CADM2: variants seen among roughly 807,000 people sequenced by gnomAD.
The protein encoded by CADM2 is cell adhesion molecule 2.
Under a neutral mutation model 49.8 loss-of-function variants are expected in CADM2, and 12 were observed. The ratio of observed to expected loss-of-function variants is 0.24; its 90% CI spans 0.15 to 0.39. The LOEUF is 0.39. Ranked by LOEUF, CADM2 falls within the 10% of genes least tolerant of loss-of-function variation. The pLI is 1.00. For missense variants in CADM2, 378 were observed against 492.3 expected, an observed-to-expected ratio of 0.77 and a Z score of 2.20; for synonymous variants, 214 against 175.4, an observed-to-expected ratio of 1.22 and a Z score of -1.74.
chr3:85,895,853 G>A lies in CADM2; in HGVS notation c.529+9526G>A, dbSNP rs1334520499. Among the ~76,000 whole-genome samples the A allele has an allele frequency of 3.9e-5, 6 of 152,186 alleles. No individual in the cohort carries two copies. The East Asian group carries it at 1.2e-3, about 29-fold the overall frequency. ...CTGCCATGAGGCCTCCCCAGCCTTTGCTCCTCTTTTGCTTTCTGTGAGGCC... is the reference window on the plus strand; with the variant it reads ...CTGCCATGAGGCCTCCCCAGCCTTTACTCCTCTTTTGCTTTCTGTGAGGCC... On this transcript the variant is annotated intron_variant, in intron 5 of 9. Coordinates refer to ENST00000383699, the MANE Select transcript of CADM2 (RefSeq NM_001167675.2).
chr3:85,504,666 C>G (rs1355352667), intron 1 of CADM2, among the ~76,000 whole-genome samples: 2 of 152,176 alleles, frequency 1.3e-5, no homozygotes, highest in African/African-American at 4.8e-5. Context: ...AGTCCCGCGC[C>G]GTGCGCCCGC....
chr3:85,920,868 G>A (rs1176364548), intron 6 of CADM2, among the ~76,000 whole-genome samples: 2 of 151,256 alleles, frequency 1.3e-5, no homozygotes, highest in Middle Eastern at 3.5e-3. Context: ...GATAATAAAT[G>A]TATATATAAA....
At chr3:85,257,259 C>T (rs1369375546) in intron 1 of CADM2, among the ~76,000 whole-genome samples, 1 of 152,026 alleles carries the variant, frequency 6.6e-6, no homozygotes, top group Non-Finnish European at 1.5e-5. Flanking sequence ...GAGCAGAATG[C>T]CTTTTCTGAT....
chr3:85,257,541 A>G (rs1422437542), intron 1 of CADM2, among the ~76,000 whole-genome samples: 1 of 152,072 alleles, frequency 6.6e-6, no homozygotes, highest in Non-Finnish European at 1.5e-5. Context: ...CTATTCTTCA[A>G]ATTTTGAAGG....
chr3:85,922,048 A>T (rs1719186060), intron 6 of CADM2, among the ~76,000 whole-genome samples: 1 of 151,996 alleles, frequency 6.6e-6, no homozygotes, highest in African/African-American at 2.4e-5. Context: ...GGGTAGTGTC[A>T]GTCCTCAGAT....
At chr3:85,214,525 T>C (rs1259009493) in intron 1 of CADM2, among the ~76,000 whole-genome samples, 3 of 152,018 alleles carry the variant, frequency 2.0e-5, no homozygotes, top group Non-Finnish European at 2.9e-5. Context: ...TTCAGGGTGA[T>C]GAATCTCCCC....
At chr3:85,255,565 G>A (rs1202299788) in intron 1 of CADM2, among the ~76,000 whole-genome samples, 4 of 151,754 alleles carry the variant, frequency 2.6e-5, no homozygotes, top group African/African-American at 9.7e-5. Context: ...GATAATTAAA[G>A]TATCTACTTT....
At chr3:85,379,425 A>T (rs1047900400) in intron 1 of CADM2, among the ~76,000 whole-genome samples, 1 of 152,034 alleles carries the variant, frequency 6.6e-6, no homozygotes, top group Admixed American at 6.6e-5. Flanking sequence ...AGTAAAGGTC[A>T]GGTGTTTCAT....
At position 85,017,238 on chromosome 3, in the gene CADM2, A is replaced by G. The variant is rs571000424; in HGVS notation, c.61+57570A>G. Among the ~76,000 whole-genome samples the G allele has an allele frequency of 2.6e-5, 4 of 152,342 alleles. No homozygotes were observed. The East Asian group carries it at 7.7e-4, about 29-fold the overall frequency. The stretch of plus-strand genomic sequence containing the variant: ...TGACTATTAAGTGGATGGAATTCCT[A>G]TAATTACGCCACTCTTCCAAGAAGT... On this transcript the variant is annotated intron_variant, in intron 1 of 9. Transcript: ENST00000383699.
At chr3:85,812,356 T>C (rs1052326928) in intron 3 of CADM2, among the ~76,000 whole-genome samples, 13 of 152,152 alleles carry the variant, frequency 8.5e-5, no homozygotes, top group Non-Finnish European at 1.3e-4. Context: ...TCCTTTAAAG[T>C]AATTATAACT....
intron 1 of CADM2, among the ~76,000 whole-genome samples, chr3:85,212,319 G>A (rs1028216260): frequency 6.6e-6 from 1 of 151,960 alleles, no homozygotes; most frequent in Admixed American, 6.6e-5. Flanking sequence ...TTTGTTATTT[G>A]TTTTCTGGTT....
intron 1 of CADM2, among the ~76,000 whole-genome samples, chr3:85,015,652 T>C (rs2034219727): frequency 6.6e-6 from 1 of 152,198 alleles, no homozygotes; most frequent in Admixed American, 6.5e-5. Context: ...CATTCTGTTA[T>C]TTGACTGAGG....
intron 1 of CADM2, among the ~76,000 whole-genome samples, chr3:85,560,616 A>G (rs768941413): frequency 1.3e-5 from 2 of 152,194 alleles, no homozygotes; most frequent in Non-Finnish European, 2.9e-5. Context: ...CAAATGCTGA[A>G]TTGTGCAAGT....
chr3:86,029,454 G>A (rs111341961), intron 8 of CADM2, among the ~76,000 whole-genome samples: 2,208 of 152,050 alleles, frequency 0.015, 102 homozygotes, highest in Admixed American at 0.082. Flanking sequence ...AAAAGGAATG[G>A]TTTTGGGGGG....
intron 1 of CADM2, among the ~76,000 whole-genome samples, chr3:85,623,051 A>G (rs931337925): frequency 6.6e-5 from 10 of 152,066 alleles, no homozygotes; most frequent in African/African-American, 2.4e-4. Context: ...GCTTAAGCCC[A>G]CTGATAAGAA....
chr3:85,913,971 A>G (rs1049843534), intron 6 of CADM2, among the ~76,000 whole-genome samples: 1 of 152,168 alleles, frequency 6.6e-6, no homozygotes, highest in Non-Finnish European at 1.5e-5. Flanking sequence ...AGAGTAGACT[A>G]GGAGAAAAAT....
In CADM2 at chr3:85,253,473, A is replaced by G. The variant is rs139753480; in HGVS notation, c.61+293805A>G. ...CACTTTTGACAATTCCTTATTCCCT[A>G]TAAGGTAGCAGCAAAGATCTATTTG... On this transcript the variant is annotated intron_variant, in intron 1 of 9. Coordinates refer to ENST00000383699, the MANE Select transcript of CADM2 (RefSeq NM_001167675.2). Among the ~76,000 whole-genome samples, 360 of 152,040 alleles carry G rather than the reference A, an allele frequency of 2.4e-3. 2 individuals are homozygous for G. Among genetic ancestry groups the G allele is most frequent in the African/African-American group, 8.1e-3 (337 of 41,494 alleles).
intron 3 of CADM2, among the ~76,000 whole-genome samples, chr3:85,835,794 C>A (rs1450142058): frequency 1.4e-5 from 2 of 147,854 alleles, no homozygotes; most frequent in African/African-American, 4.9e-5. Context: ...TTGCAAAAAA[C>A]AGACTCAGTA....
At chr3:86,014,244 C>T (rs1293971804) in intron 8 of CADM2, 33 of 1,301,874 alleles carry the variant, frequency 2.5e-5, no homozygotes, top group Middle Eastern at 2.0e-4. Context: ...AGCATTTATA[C>T]TCTGCAGTGC....
Sources: allele counts gnomAD v4.1 joint callset (sites outside exome capture counted in the v4.1 genomes callset), GRCh38; gene constraint gnomAD v4.1.1; transcripts MANE v1.5; gene names NCBI Gene and HGNC (gene_info 2026-07-23, HGNC 2026-07-21).